The following LIPA variants were observed in gnomAD, a reference collection of about 807,000 sequenced individuals.
LIPA encodes the protein lysosomal acid lipase/cholesteryl ester hydrolase.
LIPA carries 26 observed loss-of-function variants against 40.6 expected under a neutral mutation model. The ratio of observed to expected loss-of-function variants is 0.64; its 90% CI spans 0.47 to 0.89. The LOEUF (loss-of-function observed/expected upper bound fraction) is 0.89, where lower values mean the gene tolerates loss of function less well. Ranked by LOEUF, LIPA falls within the 40% of genes least tolerant of loss-of-function variation. The pLI, the probability that LIPA is intolerant of heterozygous loss-of-function variation, is 0.00. For missense variants in LIPA, 455 were observed against 479.6 expected (o/e 0.95, Z 0.48); for synonymous variants, 188 against 168.4 (o/e 1.12, Z -0.90).
intron 2 of LIPA, among the ~76,000 whole-genome samples, chr10:89,412,486 A>T (rs1010769185): frequency 6.6e-6 from 1 of 152,174 alleles, no homozygotes; most frequent in African/African-American, 2.4e-5. Context: ...GAGCCAAATA[A>T]GGGAATAAAA....
In LIPA at chr10:89,267,397, GAC is replaced by G. The variant is rs553214668; in HGVS notation, c.-1-19750_-1-19749del. Among the ~76,000 whole-genome samples the G allele has an allele frequency of 6.6e-5, 10 of 152,268 alleles. No individual in the cohort carries two copies. In the South Asian group the frequency reaches 2.1e-3, roughly 32 times the overall value. ...AAGGAAAATTATTCCTTAGTAGACT[GAC>G]ACAGCCTGCTCCAGGCAGTCCCAGC... On this transcript the variant is annotated intron_variant, in intron 1 of 5. Coordinates refer to the LIPA transcript ENST00000282673.
intron 1 of LIPA, chr10:89,307,286 G>GA (rs779399456): frequency 6.8e-6 from 11 of 1,613,846 alleles, no homozygotes; most frequent in African/African-American, 1.3e-5. Context: ...GGAGCTGAAT[G>GA]AAAAAATGCA....
intron 1 of LIPA, among the ~76,000 whole-genome samples, chr10:89,328,545 A>G (rs984193439): frequency 6.6e-6 from 1 of 152,226 alleles, no homozygotes; most frequent in Non-Finnish European, 1.5e-5. Context: ...TTTATTTTCA[A>G]CAGATATTGT....
At chr10:89,332,940 A>T (rs1195971561) in intron 1 of LIPA, among the ~76,000 whole-genome samples, 1 of 152,200 alleles carries the variant, frequency 6.6e-6, no homozygotes, top group Non-Finnish European at 1.5e-5. Flanking sequence ...GAGGGAAGTT[A>T]CTGGAGGTTC....
chr10:89,412,418 T>A (rs1727374274), intron 2 of LIPA, among the ~76,000 whole-genome samples: 1 of 151,920 alleles, frequency 6.6e-6, no homozygotes, highest in African/African-American at 2.4e-5. Flanking sequence ...CAATCAGCAC[T>A]TTGTAAAGTG....
intron 2 of LIPA, chr10:89,362,652 A>G (rs957096820): frequency 7.6e-6 from 4 of 523,048 alleles, no homozygotes; most frequent in African/African-American, 5.9e-5. Flanking sequence ...AGAAGCCCAG[A>G]CTTACCTGGA....
chr10:89,261,876 C>G lies in LIPA; in HGVS notation c.-1-14227G>C, dbSNP rs567899188. The stretch of plus-strand genomic sequence containing the variant: ...CTATTCCTGAGCTCCCCTCCCTATC[C>G]CTGAACAGCCCGGTTGATTTTTTTG... On this transcript the variant is annotated intron_variant, in intron 1 of 5. Transcript: ENST00000282673. Among the ~76,000 whole-genome samples the G allele has an allele frequency of 9.2e-5, 14 of 152,292 alleles. No individual in the cohort carries two copies. The South Asian group carries it at 2.9e-3, about 32-fold the overall frequency.
chr10:89,222,635 T>C, intron 7 of LIPA, 53 bp from the exon 8 acceptor site: 2 of 1,132,514 alleles, frequency 1.8e-6, no homozygotes, highest in South Asian at 1.2e-5. Flanking sequence ...AAGGTGGCAT[T>C]GATAATAAAC....
intron 1 of LIPA, chr10:89,339,663 T>C: frequency 6.2e-7 from 1 of 1,614,230 alleles, no homozygotes; most frequent in Non-Finnish European, 8.5e-7. Context: ...CCGATCTCGC[T>C]GAGTTCCTGG....
At chr10:89,276,044 G>A (rs932012289) in intron 1 of LIPA, among the ~76,000 whole-genome samples, 9 of 152,214 alleles carry the variant, frequency 5.9e-5, no homozygotes, top group Non-Finnish European at 1.0e-4. Context: ...TGTAGAGGAT[G>A]CTAAGCTTTA....
intron 2 of LIPA, chr10:89,384,263 CTG>C (rs758473425): frequency 3.1e-6 from 5 of 1,614,062 alleles, no homozygotes; most frequent in African/African-American, 1.3e-5. Flanking sequence ...GATAGGGAAA[CTG>C]TGGACAGATT....
intron 2 of LIPA, among the ~76,000 whole-genome samples, chr10:89,394,750 G>A (rs1844316971): frequency 6.6e-6 from 1 of 151,560 alleles, no homozygotes; most frequent in South Asian, 2.1e-4. Flanking sequence ...GTATATTCAT[G>A]ATACTACTGT....
At chr10:89,257,556 A>C (rs1297128654) in intron 1 of LIPA, among the ~76,000 whole-genome samples, 4 of 152,242 alleles carry the variant, frequency 2.6e-5, no homozygotes, top group African/African-American at 9.6e-5. Flanking sequence ...CGATAATTTC[A>C]GACATTGGAC....
intron 8 of LIPA, among the ~76,000 whole-genome samples, chr10:89,221,229 TA>T (rs34880741): frequency 1.3e-5 from 2 of 150,048 alleles, no homozygotes; most frequent in African/African-American, 2.4e-5. Flanking sequence ...AATTTTTTTT[TA>T]AAATAATAAA....
intron 1 of LIPA, among the ~76,000 whole-genome samples, chr10:89,249,647 A>G (rs1843087003): frequency 6.6e-6 from 1 of 152,172 alleles, no homozygotes; most frequent in Admixed American, 6.5e-5. Flanking sequence ...AAAAAAAAGT[A>G]CTGTCTGATC....
intron 2 of LIPA, among the ~76,000 whole-genome samples, chr10:89,396,779 G>T (rs544305600): frequency 6.6e-6 from 1 of 152,256 alleles, no homozygotes; most frequent in African/African-American, 2.4e-5. Flanking sequence ...CAACTTACTG[G>T]GTGAGAAGTG....
At chr10:89,388,783 T>C (rs1844225721) in intron 2 of LIPA, among the ~76,000 whole-genome samples, 2 of 146,482 alleles carry the variant, frequency 1.4e-5, no homozygotes, top group Admixed American at 6.9e-5. Flanking sequence ...TTTCAAAATA[T>C]GCCTGAAATG....
intron 3 of LIPA, among the ~76,000 whole-genome samples, chr10:89,237,180 T>C (rs1842915322): frequency 6.6e-6 from 1 of 152,310 alleles, no homozygotes; most frequent in South Asian, 2.1e-4. Flanking sequence ...CTTAGAAGGC[T>C]GAGGTGAGAA....
chr10:89,314,166 A>C lies in LIPA; in HGVS notation c.-2+28445T>G, dbSNP rs190770359. Among the ~76,000 whole-genome samples, 7 of 152,224 alleles carry C rather than the reference A, an allele frequency of 4.6e-5. No homozygotes were observed. The East Asian group carries it at 1.4e-3, about 29-fold the overall frequency. Reference sequence around the variant, plus strand: ...CATTTTGAATACTGTCATTGCTTTCACATTCGGTAGATATGTTAGATAAGT... The same window carrying C: ...CATTTTGAATACTGTCATTGCTTTCCCATTCGGTAGATATGTTAGATAAGT... On this transcript the variant is annotated intron_variant, in intron 1 of 5. Coordinates refer to the LIPA transcript ENST00000282673.
Sources: allele counts gnomAD v4.1 joint callset (sites outside exome capture counted in the v4.1 genomes callset), GRCh38; gene constraint gnomAD v4.1.1; transcripts MANE v1.5; gene names NCBI Gene and HGNC (gene_info 2026-07-23, HGNC 2026-07-21).